The following GARRE1 variants were observed in gnomAD, a reference collection of about 807,000 sequenced individuals.
The protein encoded by GARRE1 is granule associated Rac and RHOG effector 1.
In GARRE1, 49 loss-of-function variants were observed where a neutral mutation model predicts 103.2. The ratio of observed to expected loss-of-function variants is 0.47; its 90% CI spans 0.38 to 0.60. GARRE1 has a LOEUF of 0.60. GARRE1 is among the 20% of genes least tolerant of loss of function. The pLI, the probability that GARRE1 is intolerant of heterozygous loss-of-function variation, is 0.00. For synonymous variants in GARRE1, 505 were observed against 532.8 expected, an observed-to-expected ratio of 0.95 and a Z score of 0.72; for missense variants, 1,199 against 1,370.5, an observed-to-expected ratio of 0.87 and a Z score of 1.98.
chr19:34,314,277 TG>T (rs2074049962), intron 2 of GARRE1, among the ~76,000 whole-genome samples: 1 of 152,156 alleles, frequency 6.6e-6, no homozygotes, highest in African/African-American at 2.4e-5. Flanking sequence ...TAAAACTTCC[TG>T]TGTGTATTGA....
chr19:34,256,995 T>C (rs376392616), intron 1 of GARRE1, among the ~76,000 whole-genome samples: 1 of 152,170 alleles, frequency 6.6e-6, no homozygotes, highest in African/African-American at 2.4e-5. Flanking sequence ...TGTGGCAACT[T>C]TTCAGTGTGG....
chr19:34,342,089 C>G lies in GARRE1; in HGVS notation c.2155C>G (p.Pro719Ala), dbSNP rs763836426. ...TCTGACACCCCAGCCGGGACTGGCACCTCAGCAGCAGTCCCCAAAGCAGCA... is the reference window on the plus strand; with the variant it reads ...TCTGACACCCCAGCCGGGACTGGCAGCTCAGCAGCAGTCCCCAAAGCAGCA... ...TPLTPQPGLA[P>A]QQQSPKQQQP... The change falls in exon 10 of 14, where the codon CCT becomes GCT. Residue 719 changes from proline to alanine, a missense_variant. Pro to Ala is a conservative substitution (Grantham distance 27). Transcript: ENST00000299505. The G allele has an allele frequency of 5.0e-6, 8 of 1,614,128 alleles. No individual in the cohort carries two copies. The Admixed American group carries it at 6.7e-5, about 13-fold the overall frequency.
Position 34,354,110 on chromosome 19 carries a change from A to G in GARRE1, c.*1155A>G, listed in dbSNP as rs1013141478. ...CACTGTATATTAATTGAGGTTACAG[A>G]AAGTTCTTTATATAAAACTTATTTA... On this transcript the variant is annotated 3_prime_UTR_variant, in exon 14 of 14. Transcript: ENST00000299505. 2 of 152,626 alleles carry G rather than the reference A, an allele frequency of 1.3e-5. No individual in the cohort carries two copies. Among genetic ancestry groups the G allele is most frequent in the African/African-American group, 4.8e-5 (2 of 41,458 alleles). The allele number at this position is 152,626 out of a possible 1,614,324, so 9.5% of individuals were successfully genotyped here.
chr19:34,331,364 C>G (rs891667319), intron 7 of GARRE1, among the ~76,000 whole-genome samples: 2 of 152,080 alleles, frequency 1.3e-5, no homozygotes, highest in Non-Finnish European at 1.5e-5. Flanking sequence ...AAATACTCTT[C>G]TCTCTGATTA....
At chr19:34,275,306 A>G (rs922523545) in intron 1 of GARRE1, among the ~76,000 whole-genome samples, 10 of 152,016 alleles carry the variant, frequency 6.6e-5, no homozygotes, top group Non-Finnish European at 1.3e-4. Context: ...GGTTTTTAGT[A>G]TGTTCATAGT....
chr19:34,288,234 G>C (rs2073897969), intron 1 of GARRE1, among the ~76,000 whole-genome samples: 1 of 152,208 alleles, frequency 6.6e-6, no homozygotes, highest in African/African-American at 2.4e-5. Context: ...GTAGAAAGCA[G>C]TTAGTTCTTC....
Position 34,353,178 on chromosome 19 carries a change from A to G in GARRE1, c.*223A>G. The G allele has an allele frequency of 3.8e-6, 2 of 519,492 alleles. No individual in the cohort carries two copies. Among genetic ancestry groups the G allele is most frequent in the Non-Finnish European group, 6.8e-6 (2 of 295,110 alleles). The allele number at this position is 519,492 out of a possible 1,614,324, so 32.2% of individuals were successfully genotyped here. On this transcript the variant is annotated 3_prime_UTR_variant, in exon 14 of 14. Transcript: ENST00000299505. ...GAGCCCTGGAGAGCCAGCTGGAGACACAGGCGTCTGGCCTTCAGGGGCTTG... is the reference window on the plus strand; with the variant it reads ...GAGCCCTGGAGAGCCAGCTGGAGACGCAGGCGTCTGGCCTTCAGGGGCTTG...
chr19:34,296,200 A>T lies in GARRE1; in HGVS notation c.-795-3479A>T, dbSNP rs150324983. On this transcript the variant is annotated intron_variant, in intron 1 of 13. Transcript: ENST00000299505. ...TTGTTTGTACAAATAGCACAGGAGG[A>T]TCCCCGCCCCATGCAGACGGCAGCC... 1.2e-3 allele frequency: 565 copies of T among 478,600 alleles called. 6 individuals are homozygous for T. In the East Asian group the frequency reaches 0.015, roughly 13 times the overall value. 29.6% of individuals were successfully genotyped at this position (478,600 alleles called of 1,614,324 possible). A position where few individuals can be genotyped will look rare whatever the true frequency, so the allele number is the denominator to read the frequency against.
chr19:34,277,270 G>T (rs1401292026), intron 1 of GARRE1, among the ~76,000 whole-genome samples: 1 of 152,146 alleles, frequency 6.6e-6, no homozygotes, highest in Non-Finnish European at 1.5e-5. Flanking sequence ...GGGACCATTG[G>T]ATATAAATTC....
intron 2 of GARRE1, among the ~76,000 whole-genome samples, chr19:34,304,996 G>A (rs1254309854): frequency 1.3e-5 from 2 of 151,972 alleles, no homozygotes; most frequent in Non-Finnish European, 2.9e-5. Context: ...GTTTCACCAT[G>A]TTAACCAGGA....
At chr19:34,345,745 C>T (rs1259442326) in intron 10 of GARRE1, among the ~76,000 whole-genome samples, 1 of 152,208 alleles carries the variant, frequency 6.6e-6, no homozygotes, top group African/African-American at 2.4e-5. Flanking sequence ...TTACTTGAAC[C>T]CAGGAGGCAG....
intron 1 of GARRE1, among the ~76,000 whole-genome samples, chr19:34,264,328 C>T (rs1403322243): frequency 6.6e-6 from 1 of 151,866 alleles, no homozygotes; most frequent in Non-Finnish European, 1.5e-5. Flanking sequence ...CTGAGGCAGG[C>T]AGAGGAGTCA....
At chr19:34,263,102 G>A (rs1350270285) in intron 1 of GARRE1, among the ~76,000 whole-genome samples, 2 of 152,008 alleles carry the variant, frequency 1.3e-5, no homozygotes, top group Non-Finnish European at 2.9e-5. Context: ...AATCCCAGCT[G>A]TCCAGGAGGC....
At position 34,273,743 on chromosome 19, in the gene GARRE1, G is replaced by A. The variant is rs79887836; in HGVS notation, c.-796+19129G>A. ...ACCCCTCGCTCAGTCTGTCAAAGTG[G>A]TTTCTCAGAAGAAGTGATGCCTAAG... On this transcript the variant is annotated intron_variant, in intron 1 of 13. Coordinates refer to ENST00000299505, the MANE Select transcript of GARRE1 (RefSeq NM_014686.5). Among the ~76,000 whole-genome samples the A allele has an allele frequency of 8.1e-3, 1,226 of 152,284 alleles. 8 individuals carry two copies. The highest frequency in any genetic ancestry group is 0.028 in the African/African-American group (1,143 of 41,554).
intron 13 of GARRE1, among the ~76,000 whole-genome samples, chr19:34,352,238 C>T (rs955328656): frequency 2.6e-5 from 4 of 151,368 alleles, no homozygotes; most frequent in African/African-American, 9.7e-5. Flanking sequence ...CCCATCTCTA[C>T]TAAAAATACA....
intron 1 of GARRE1, among the ~76,000 whole-genome samples, chr19:34,265,215 C>G (rs1489626427): frequency 1.3e-5 from 2 of 149,718 alleles, no homozygotes; most frequent in Non-Finnish European, 2.9e-5. Context: ...CCTCACCCCA[C>G]CCCCGGTCCC....
At chr19:34,351,478 C>T in intron 12 of GARRE1, 36 bp from the exon 13 acceptor site, 1 of 1,546,830 alleles carries the variant, frequency 6.5e-7, no homozygotes, top group Non-Finnish European at 8.9e-7. Context: ...GGCAGGAAGC[C>T]AAGCAATCAC....
chr19:34,330,930 C>T (rs1454010811), intron 7 of GARRE1, among the ~76,000 whole-genome samples: 2 of 149,154 alleles, frequency 1.3e-5, no homozygotes, highest in Non-Finnish European at 3.0e-5. Flanking sequence ...GATGGAGTCT[C>T]GCTGTGTTGC....
chr19:34,286,215 T>C (rs2073885125), intron 1 of GARRE1, among the ~76,000 whole-genome samples: 1 of 110,658 alleles, frequency 9.0e-6, no homozygotes, highest in Non-Finnish European at 2.3e-5. Flanking sequence ...GGGAGGTGCC[T>C]TTCTGTATTA....
Sources: gnomAD v4.1 joint callset for allele counts (sites outside exome capture counted in the v4.1 genomes callset) on GRCh38, gnomAD v4.1.1 for gene constraint, MANE v1.5 for transcripts, NCBI Gene and HGNC (gene_info 2026-07-23, HGNC 2026-07-21) for gene names.